The following NELL2 variants were observed in gnomAD, a reference collection of about 807,000 sequenced individuals.
The protein encoded by NELL2 is neural EGFL like 2.
Under a neutral mutation model 109.6 loss-of-function variants are expected in NELL2, and 41 were observed. That is an observed-to-expected ratio of 0.37 (90% CI 0.29 to 0.49). NELL2 has a LOEUF of 0.49. Among genes scored for constraint, NELL2 ranks in the 20% least tolerant of loss-of-function variants. NELL2 has a pLI of 0.98. For missense variants in NELL2, 900 were observed against 1,008.3 expected (o/e 0.89, Z 1.45); for synonymous variants, 355 against 344.7 (o/e 1.03, Z -0.33).
intron 15 of NELL2, among the ~76,000 whole-genome samples, chr12:44,572,621 G>T (rs1943916736): frequency 6.7e-6 from 1 of 150,258 alleles, no homozygotes; most frequent in Non-Finnish European, 1.5e-5. Flanking sequence ...TTTTGAATCT[G>T]TTTGTATACA....
intron 9 of NELL2, among the ~76,000 whole-genome samples, chr12:44,733,633 C>A (rs1939489384): frequency 6.6e-6 from 1 of 151,832 alleles, no homozygotes; most frequent in South Asian, 2.1e-4. Flanking sequence ...TAGATGTCTG[C>A]TGTACATCAA....
intron 15 of NELL2, among the ~76,000 whole-genome samples, chr12:44,565,918 T>C (rs12302959): frequency 0.048 from 7,348 of 152,212 alleles, 601 homozygotes; most frequent in African/African-American, 0.17. Context: ...GCTTAGACTT[T>C]ATCTCCTAAT....
chr12:44,619,335 T>C (rs1170070546), intron 13 of NELL2, among the ~76,000 whole-genome samples: 1 of 152,120 alleles, frequency 6.6e-6, no homozygotes, highest in East Asian at 1.9e-4. Context: ...TACAACAGAA[T>C]TTTATTTTGT....
rs895546461 is a variant in NELL2, at chr12:44,574,211, C to A, written c.1663+32958G>T. Among the ~76,000 whole-genome samples the A allele has an allele frequency of 2.0e-5, 3 of 152,042 alleles. No homozygotes were observed. The East Asian group carries it at 5.8e-4, about 29-fold the overall frequency. On this transcript the variant is annotated intron_variant, in intron 15 of 19. Transcript: ENST00000429094. The stretch of plus-strand genomic sequence containing the variant: ...CTCCAGCCCCCTGGGTTTAAGTGAA[C>A]CTGCCTCAGTCTCCCGAGTAGCTGG...
chr12:44,786,687 T>C (rs1942185098), intron 3 of NELL2, among the ~76,000 whole-genome samples: 1 of 152,208 alleles, frequency 6.6e-6, no homozygotes, highest in Admixed American at 6.5e-5. Flanking sequence ...CACGGATTAC[T>C]ATGCAGCCAT....
intron 9 of NELL2, among the ~76,000 whole-genome samples, chr12:44,757,383 C>G (rs966467365): frequency 6.6e-6 from 1 of 152,084 alleles, no homozygotes; most frequent in African/African-American, 2.4e-5. Flanking sequence ...GTTTAAAACC[C>G]TTCAAATGCT....
At chr12:44,512,640 C>T (rs1050758275) in intron 19 of NELL2, among the ~76,000 whole-genome samples, 3 of 152,008 alleles carry the variant, frequency 2.0e-5, no homozygotes, top group Non-Finnish European at 4.4e-5. Context: ...ACCATCCAGA[C>T]ATAAGAAGAA....
intron 8 of NELL2, 72 bp from the exon 9 acceptor site, chr12:44,774,921 T>G (rs749525805): frequency 2.5e-6 from 3 of 1,184,048 alleles, no homozygotes; most frequent in African/African-American, 1.5e-5. Context: ...TTGAATTCAT[T>G]CCTTAAATTT....
intron 12 of NELL2, among the ~76,000 whole-genome samples, chr12:44,680,464 A>C (rs1472656071): frequency 6.6e-6 from 1 of 152,220 alleles, no homozygotes; most frequent in African/African-American, 2.4e-5. Flanking sequence ...AAGAAAAATT[A>C]CTTGGAGGAA....
At chr12:44,873,216 A>G (rs932115918) in intron 2 of NELL2, among the ~76,000 whole-genome samples, 1 of 152,140 alleles carries the variant, frequency 6.6e-6, no homozygotes, top group African/African-American at 2.4e-5. Context: ...AATCTCATAA[A>G]CCATATTTGT....
At chr12:44,648,316 C>T (rs1041910147) in intron 13 of NELL2, among the ~76,000 whole-genome samples, 2 of 152,170 alleles carry the variant, frequency 1.3e-5, no homozygotes, top group African/African-American at 4.8e-5. Flanking sequence ...CCCAAAAAAG[C>T]TAAGACCTTT....
At chr12:44,672,246 G>T (rs1948165622) in intron 12 of NELL2, among the ~76,000 whole-genome samples, 1 of 152,182 alleles carries the variant, frequency 6.6e-6, no homozygotes, top group Admixed American at 6.5e-5. Context: ...CTAGGAAGTG[G>T]GCCGCACAGC....
At chr12:44,593,854 G>C (rs1379934014) in intron 15 of NELL2, among the ~76,000 whole-genome samples, 2 of 152,088 alleles carry the variant, frequency 1.3e-5, no homozygotes, top group East Asian at 3.9e-4. Context: ...GGCTATACGG[G>C]CTCAATAGCA....
intron 9 of NELL2, among the ~76,000 whole-genome samples, chr12:44,757,829 T>G (rs1188884832): frequency 8.5e-5 from 13 of 152,154 alleles, no homozygotes; most frequent in Admixed American, 8.5e-4. Context: ...GACTTTGATG[T>G]GTATCCTCAA....
At chr12:44,512,747 A>G (rs1941056154) in intron 19 of NELL2, among the ~76,000 whole-genome samples, 1 of 152,092 alleles carries the variant, frequency 6.6e-6, no homozygotes, top group Non-Finnish European at 1.5e-5. Flanking sequence ...GTTCTCTCTT[A>G]TATGTTGGAG....
chr12:44,771,255 A>G (rs1462280045), intron 9 of NELL2, among the ~76,000 whole-genome samples: 1 of 152,046 alleles, frequency 6.6e-6, no homozygotes, highest in African/African-American at 2.4e-5. Context: ...GCTGCCTAAG[A>G]CTCAACCAGG....
At chr12:44,720,923 T>G (rs144624640) in intron 9 of NELL2, among the ~76,000 whole-genome samples, 1 of 152,316 alleles carries the variant, frequency 6.6e-6, no homozygotes, top group Non-Finnish European at 1.5e-5. Context: ...GGTCAGTAGC[T>G]TATTCTTCCA....
chr12:44,647,781 A>C (rs997609033), intron 13 of NELL2, among the ~76,000 whole-genome samples: 1 of 152,262 alleles, frequency 6.6e-6, no homozygotes, highest in South Asian at 2.1e-4. Context: ...CTGGCCAATG[A>C]AAACCACATC....
intron 12 of NELL2, among the ~76,000 whole-genome samples, chr12:44,675,598 AG>A (rs1948282069): frequency 6.6e-6 from 1 of 152,144 alleles, no homozygotes; most frequent in Non-Finnish European, 1.5e-5. Flanking sequence ...TAGATCTGAG[AG>A]GAACTTTAGA....
Sources: allele counts gnomAD v4.1 joint callset (sites outside exome capture counted in the v4.1 genomes callset), GRCh38; gene constraint gnomAD v4.1.1; transcripts MANE v1.5; gene names NCBI Gene and HGNC (gene_info 2026-07-23, HGNC 2026-07-21).